Variants in GRM1 observed in about 807,000 individuals in gnomAD.
GRM1 encodes metabotropic glutamate receptor 1.
A neutral mutation model predicts 90.9 loss-of-function variants in GRM1; 33 were observed. That is an observed-to-expected ratio of 0.36 (90% CI 0.28 to 0.49). The LOEUF is 0.49. Ranked by LOEUF, GRM1 falls within the 20% of genes least tolerant of loss-of-function variation. The pLI is 0.99. For synonymous variants in GRM1, 700 were observed against 613.2 expected (o/e 1.14, Z -2.09); for missense variants, 1,190 against 1,534.3 (o/e 0.78, Z 3.75).
chr6:146,131,432 T>A (rs975242415), intron 1 of GRM1, among the ~76,000 whole-genome samples: 3 of 151,788 alleles, frequency 2.0e-5, no homozygotes, highest in African/African-American at 7.3e-5. Context: ...TCAGCTGTAA[T>A]GTGAAGATTA....
At chr6:146,204,093 A>G (rs1779413656) in intron 2 of GRM1, among the ~76,000 whole-genome samples, 1 of 152,218 alleles carries the variant, frequency 6.6e-6, no homozygotes. Context: ...TGATAACTAG[A>G]TACTGTCAAA....
chr6:146,322,083 T>C (rs932451674), intron 3 of GRM1, among the ~76,000 whole-genome samples: 1 of 152,170 alleles, frequency 6.6e-6, no homozygotes, highest in African/African-American at 2.4e-5. Flanking sequence ...GTGGTTTTGG[T>C]GTGGATGTTC....
At chr6:146,352,138 G>A in intron 3 of GRM1, 112 bp from the exon 4 acceptor site, 1 of 1,083,108 alleles carries the variant, frequency 9.2e-7, no homozygotes, top group Non-Finnish European at 1.4e-6. Flanking sequence ...TTCTGCCAGT[G>A]TCATTGCTCA....
At chr6:146,235,724 G>GTGTC (rs1780623585) in intron 2 of GRM1, among the ~76,000 whole-genome samples, 2 of 149,822 alleles carry the variant, frequency 1.3e-5, no homozygotes, top group African/African-American at 4.9e-5. Context: ...GTGTGTGTGT[G>GTGTC]TGTGTGTGTG....
chr6:146,265,112 G>A (rs1781831997), intron 2 of GRM1, among the ~76,000 whole-genome samples: 1 of 152,130 alleles, frequency 6.6e-6, no homozygotes, highest in African/African-American at 2.4e-5. Flanking sequence ...TCGCTACACT[G>A]TTTTTCATAG....
At chr6:146,430,568 G>A (rs1017026502) in intron 7 of GRM1, among the ~76,000 whole-genome samples, 1 of 152,162 alleles carries the variant, frequency 6.6e-6, no homozygotes, top group African/African-American at 2.4e-5. Context: ...AGAAGCTGGT[G>A]GCAGAAGCAG....
chr6:146,203,770 C>G (rs1057136963), intron 2 of GRM1, among the ~76,000 whole-genome samples: 1 of 152,172 alleles, frequency 6.6e-6, no homozygotes, highest in East Asian at 1.9e-4. Flanking sequence ...AACTTGAACT[C>G]GTATCCTACA....
chr6:146,113,546 G>C (rs1362093631), intron 1 of GRM1, among the ~76,000 whole-genome samples: 1 of 152,156 alleles, frequency 6.6e-6, no homozygotes, highest in Non-Finnish European at 1.5e-5. Context: ...TCAAAAGTGA[G>C]AATGCAAATG....
chr6:146,385,392 T>C (rs182384512), intron 5 of GRM1, among the ~76,000 whole-genome samples: 1 of 151,992 alleles, frequency 6.6e-6, no homozygotes, highest in African/African-American at 2.4e-5. Flanking sequence ...CCTAGGACAA[T>C]GGAATGACAT....
chr6:146,122,840 T>C (rs965189051), intron 1 of GRM1, among the ~76,000 whole-genome samples: 1 of 34,254 alleles, frequency 2.9e-5, no homozygotes, highest in Non-Finnish European at 5.8e-5. Context: ...CTTTTCTTTC[T>C]TTTTTTTTTT....
chr6:146,132,871 A>T (rs183735627), intron 1 of GRM1, among the ~76,000 whole-genome samples: 16 of 152,204 alleles, frequency 1.1e-4, no homozygotes, highest in African/African-American at 2.6e-4. Context: ...AGTGCATGGG[A>T]TTTCTTCCAT....
At chr6:146,116,205 C>A (rs1431028439) in intron 1 of GRM1, among the ~76,000 whole-genome samples, 1 of 152,110 alleles carries the variant, frequency 6.6e-6, no homozygotes, top group Non-Finnish European at 1.5e-5. Context: ...GATCTGCCCA[C>A]CCCGGCCTCC....
chr6:146,294,356 T>A (rs1783101679), intron 2 of GRM1, among the ~76,000 whole-genome samples: 1 of 151,990 alleles, frequency 6.6e-6, no homozygotes, highest in African/African-American at 2.4e-5. Flanking sequence ...AAGTTTAAAG[T>A]TTTTAGTTTC....
At chr6:146,192,942 A>G (rs1177151643) in intron 2 of GRM1, among the ~76,000 whole-genome samples, 1 of 152,112 alleles carries the variant, frequency 6.6e-6, no homozygotes, top group Non-Finnish European at 1.5e-5. Context: ...CCGGCATAGA[A>G]GAAATAGTTG....
intron 1 of GRM1, among the ~76,000 whole-genome samples, chr6:146,092,826 T>C: frequency 6.6e-6 from 1 of 152,110 alleles, no homozygotes; most frequent in East Asian, 1.9e-4. Context: ...ACTGGAAACA[T>C]TGTTCAATGA....
intron 3 of GRM1, among the ~76,000 whole-genome samples, chr6:146,330,685 A>G (rs549207894): frequency 6.6e-6 from 1 of 152,238 alleles, no homozygotes; most frequent in Non-Finnish European, 1.5e-5. Flanking sequence ...TTTGTTTATA[A>G]TGTTGCTTTG....
intron 2 of GRM1, among the ~76,000 whole-genome samples, chr6:146,291,984 T>C (rs1783002862): frequency 6.6e-6 from 1 of 152,002 alleles, no homozygotes; most frequent in African/African-American, 2.4e-5. Context: ...TATAGTCAGG[T>C]GCAATAGAAT....
intron 2 of GRM1, among the ~76,000 whole-genome samples, chr6:146,247,453 A>G (rs1221021036): frequency 6.6e-6 from 1 of 152,170 alleles, no homozygotes; most frequent in Non-Finnish European, 1.5e-5. Flanking sequence ...AAGCAGTTTA[A>G]GAGATGTACA....
At chr6:146,214,001 A>G (rs1026846030) in intron 2 of GRM1, among the ~76,000 whole-genome samples, 1 of 152,102 alleles carries the variant, frequency 6.6e-6, no homozygotes, top group African/African-American at 2.4e-5. Flanking sequence ...CGGTAAAAGA[A>G]GAATGTCTCC....
Sources: allele counts gnomAD v4.1 joint callset (sites outside exome capture counted in the v4.1 genomes callset), GRCh38; gene constraint gnomAD v4.1.1; transcripts MANE v1.5; gene names NCBI Gene and HGNC (gene_info 2026-07-23, HGNC 2026-07-21).